MYO3A: variants seen among roughly 807,000 people sequenced by gnomAD.
The protein encoded by MYO3A is myosin-IIIa.
MYO3A carries 180 observed loss-of-function variants against 192.7 expected under a neutral mutation model. The ratio of observed to expected loss-of-function variants is 0.93; its 90% CI spans 0.83 to 1.06. MYO3A has a LOEUF of 1.06. Among genes scored for constraint, MYO3A ranks in the 50% least tolerant of loss-of-function variants. The probability of loss-of-function intolerance (pLI) is 0.00; values close to 1 mark genes in which losing one functional copy is unlikely to be tolerated. For missense variants in MYO3A, 1,896 were observed against 1,905.0 expected (o/e 1.00, Z 0.09); for synonymous variants, 628 against 645.3 (o/e 0.97, Z 0.41).
chr10:25,944,684 G>T (rs1836724158), intron 2 of MYO3A, among the ~76,000 whole-genome samples: 1 of 151,836 alleles, frequency 6.6e-6, no homozygotes, highest in Admixed American at 6.6e-5. Context: ...TATCCAATTT[G>T]TTGGCATACA....
At chr10:25,995,264 A>G (rs946536065) in intron 4 of MYO3A, among the ~76,000 whole-genome samples, 5 of 152,116 alleles carry the variant, frequency 3.3e-5, no homozygotes, top group African/African-American at 4.8e-5. Context: ...TTGATCTTCA[A>G]TCGCTGATAC....
chr10:26,066,983 G>T lies in MYO3A; in HGVS notation c.962G>T (p.Arg321Leu), dbSNP rs770114774. The change falls in exon 11 of 35, where the codon CGT becomes CTT. Residue 321 changes from arginine to leucine, a missense_variant. Arg to Leu is a moderately radical substitution (Grantham distance 102). Transcript: ENST00000642920. ...MGGTEKARRE[R>L]IHTKKGNFNR... ...AGCGTTTTTCTCCACAGACGTGAACGTATTCACACGAAGAAAGGGAACTTC... is the reference window on the plus strand; with the variant it reads ...AGCGTTTTTCTCCACAGACGTGAACTTATTCACACGAAGAAAGGGAACTTC... 1.9e-6 allele frequency: 3 copies of T among 1,608,792 alleles called. No individual in the cohort carries two copies. The highest frequency in any genetic ancestry group is 2.6e-6 in the Non-Finnish European group (3 of 1,175,220).
At chr10:26,205,716 A>T (rs1843898782) in intron 34 of MYO3A, among the ~76,000 whole-genome samples, 2 of 139,130 alleles carry the variant, frequency 1.4e-5, no homozygotes, top group Non-Finnish European at 3.0e-5. Context: ...TCCTGGGTTC[A>T]TGCCATTCTC....
intron 20 of MYO3A, among the ~76,000 whole-genome samples, chr10:26,143,052 C>G (rs1212351824): frequency 6.6e-6 from 1 of 152,068 alleles, no homozygotes; most frequent in African/African-American, 2.4e-5. Context: ...AAGGTCAGGC[C>G]GGGCGCGGTG....
chr10:25,965,785 G>A (rs115100034), intron 4 of MYO3A, among the ~76,000 whole-genome samples: 1,679 of 152,114 alleles, frequency 0.011, 25 homozygotes, highest in African/African-American at 0.037. Flanking sequence ...GTGGGTGGGC[G>A]TCAGTTGAGC....
At chr10:25,940,276 TTGAA>T (rs1836396023) in intron 2 of MYO3A, among the ~76,000 whole-genome samples, 1 of 152,126 alleles carries the variant, frequency 6.6e-6, no homozygotes, top group Non-Finnish European at 1.5e-5. Context: ...AATTTTTTAA[TTGAA>T]TGACTTTTGT....
intron 4 of MYO3A, among the ~76,000 whole-genome samples, chr10:25,986,473 A>G (rs1240335222): frequency 6.6e-6 from 1 of 152,228 alleles, no homozygotes; most frequent in Non-Finnish European, 1.5e-5. Flanking sequence ...ACTCATCCGA[A>G]AAGCTCCTAG....
chr10:25,960,780 C>A (rs1418027327), intron 4 of MYO3A, among the ~76,000 whole-genome samples: 2 of 151,998 alleles, frequency 1.3e-5, no homozygotes, highest in African/African-American at 4.8e-5. Context: ...AGAGGATGGT[C>A]TTGCTGTCTC....
At chr10:26,060,749 A>G (rs1222761710) in intron 10 of MYO3A, among the ~76,000 whole-genome samples, 1 of 152,174 alleles carries the variant, frequency 6.6e-6, no homozygotes, top group Non-Finnish European at 1.5e-5. Context: ...AAACACTTAG[A>G]TGTTCTTGCG....
chr10:26,197,176 C>A (rs143434079), intron 32 of MYO3A, among the ~76,000 whole-genome samples: 1 of 152,286 alleles, frequency 6.6e-6, no homozygotes, highest in African/African-American at 2.4e-5. Flanking sequence ...TCAAATCCAT[C>A]TCCCTTACAG....
rs1844144757 is a variant in MYO3A, at chr10:26,209,864, G to A, written c.4731-1979G>A. 2.0e-5 allele frequency among the ~76,000 whole-genome samples: 3 copies of A among 152,160 alleles called. No individual in the cohort carries two copies. The South Asian group carries it at 6.2e-4, about 32-fold the overall frequency. ...AATCCCAGCACTTTGGAAGGCTAAG[G>A]CAGGAGGATCACTTGAGCTCAGGAG... On this transcript the variant is annotated intron_variant, in intron 34 of 34. Coordinates refer to ENST00000642920, the MANE Select transcript of MYO3A (RefSeq NM_017433.5).
chr10:25,947,605 C>T (rs1257673888), intron 2 of MYO3A, among the ~76,000 whole-genome samples: 1 of 151,956 alleles, frequency 6.6e-6, no homozygotes, highest in African/African-American at 2.4e-5. Flanking sequence ...GTTGGTCAGG[C>T]TGGTCTCGAA....
Position 25,997,230 on chromosome 10 carries a change from G to A in MYO3A, c.480G>A (p.Thr160=), listed in dbSNP as rs12257119. Reference sequence around the variant, plus strand: ...AAGGCAATAACATTCTATTGACCACGGAAGGTGGAGTGAAACTAGTAGATT... The same window carrying A: ...AAGGCAATAACATTCTATTGACCACAGAAGGTGGAGTGAAACTAGTAGATT... The part of the protein sequence containing the change: ...DVKGNNILLT[T]EGGVKLVDFG... The change falls in exon 6 of 35, where the codon ACG becomes ACA. Residue 160 remains threonine, a synonymous_variant. Transcript: ENST00000642920. 3.0e-5 allele frequency: 48 copies of A among 1,613,102 alleles called. No homozygotes were observed. Among genetic ancestry groups the A allele is most frequent in the South Asian group, 6.6e-5 (6 of 91,054 alleles).
chr10:26,117,144 T>C (rs1238530986), intron 17 of MYO3A, among the ~76,000 whole-genome samples: 3 of 152,164 alleles, frequency 2.0e-5, no homozygotes, highest in African/African-American at 7.2e-5. Context: ...TTTGGGTAGG[T>C]AGGATTTGGA....
At chr10:26,079,061 C>T (rs1211535653) in intron 14 of MYO3A, among the ~76,000 whole-genome samples, 1 of 152,060 alleles carries the variant, frequency 6.6e-6, no homozygotes, top group African/African-American at 2.4e-5. Context: ...TCCATTGTTT[C>T]TTTGTTGACT....
intron 4 of MYO3A, among the ~76,000 whole-genome samples, chr10:25,970,055 A>G (rs559465787): frequency 2.6e-5 from 4 of 152,248 alleles, no homozygotes; most frequent in African/African-American, 7.2e-5. Context: ...TTAAAATTAT[A>G]TGTGTCAAAA....
At chr10:26,065,605 A>ACAT (rs59643061) in intron 10 of MYO3A, among the ~76,000 whole-genome samples, 44,836 of 118,550 alleles carry the variant, frequency 0.38, 10,754 homozygotes, top group Middle Eastern at 0.54. Context: ...AAAAAAAAAA[A>ACAT]AAAAAAAAGT....
chr10:26,001,091 C>T (rs905229806), intron 6 of MYO3A, among the ~76,000 whole-genome samples: 1 of 152,134 alleles, frequency 6.6e-6, no homozygotes, highest in Admixed American at 6.5e-5. Context: ...CCAGGTCCCT[C>T]CCCCAAATTA....
In MYO3A at chr10:26,089,385, C is replaced by T. The variant is rs189724934; in HGVS notation, c.1562+980C>T. ...GGGAGGCCAAGGCGGGTGGATCACG[C>T]GGTCAGGAGATTGAGACCATCCTGG... On this transcript the variant is annotated intron_variant, in intron 15 of 34. Transcript: ENST00000642920. Among the ~76,000 whole-genome samples, 98 of 151,978 alleles carry T rather than the reference C, an allele frequency of 6.4e-4. 1 individual carries two copies. Among genetic ancestry groups the T allele is most frequent in the Middle Eastern group, 3.4e-3 (1 of 294 alleles).
Sources: gnomAD v4.1 joint callset for allele counts (sites outside exome capture counted in the v4.1 genomes callset) on GRCh38, gnomAD v4.1.1 for gene constraint, MANE v1.5 for transcripts, NCBI Gene and HGNC (gene_info 2026-07-23, HGNC 2026-07-21) for gene names.